CDKN2A: variants seen among roughly 807,000 people sequenced by gnomAD.
CDKN2A encodes cyclin dependent kinase inhibitor 2A, also known as cyclin-dependent kinase inhibitor 2A.
A neutral mutation model predicts 11.1 loss-of-function variants in CDKN2A; 3 were observed. The observed-to-expected ratio is 0.27, with a 90% confidence interval of 0.12 to 0.70. CDKN2A has a LOEUF of 0.70. CDKN2A is among the 30% of genes least tolerant of loss of function. The pLI is 0.77. For synonymous variants in CDKN2A, 122 were observed against 108.1 expected (o/e 1.13, Z -0.80); for missense variants, 265 against 233.6 (o/e 1.13, Z -0.88).
At chr9:21,971,273 G>T (rs773018049) in intron 1 of CDKN2A, 65 bp from the exon 2 acceptor site, 49 of 1,554,196 alleles carry the variant, frequency 3.2e-5, no homozygotes, top group Middle Eastern at 3.4e-4. Flanking sequence ...GGAAGCTTGT[G>T]TAGAGCCCCC....
intron 2 of CDKN2A, among the ~76,000 whole-genome samples, chr9:21,983,277 A>G (rs1289599042): frequency 6.6e-6 from 1 of 152,122 alleles, no homozygotes; most frequent in East Asian, 1.9e-4. Context: ...AGCTGCACAT[A>G]GAAAATGAAA....
intron 2 of CDKN2A, among the ~76,000 whole-genome samples, chr9:21,987,396 A>AACACACACACACACAC (rs375380204): frequency 1.7e-3 from 152 of 89,920 alleles, no homozygotes; most frequent in Middle Eastern, 5.2e-3. Context: ...CCCTTATTAC[A>AACACACACACACACAC]ACACACACAC....
Position 21,994,239 on chromosome 9 carries a change from C to A in CDKN2A, c.-175-186G>T, listed in dbSNP as rs1330218502. On this transcript the variant is annotated intron_variant, in intron 1 of 3. Transcript: ENST00000494262. The stretch of plus-strand genomic sequence containing the variant: ...GCGCCCCTGGCGCTGCCCACTCCCC[C>A]GTGAGCCGCGGGATGTGAACCACGA... The A allele has an allele frequency of 6.2e-7, 1 of 1,606,420 alleles. No individual in the cohort carries two copies. The highest frequency in any genetic ancestry group is 8.5e-7 in the Non-Finnish European group (1 of 1,179,190).
chr9:21,993,987 C>CTTA, exon 2 of CDKN2A: 1 of 821,628 alleles, frequency 1.2e-6, no homozygotes, highest in Non-Finnish European at 2.0e-6. Context: ...AACCACATGT[C>CTTA]TAAGTCGTTG....
rs756102261 is a variant in CDKN2A at position 21,973,574 on chromosome 9, G to T, written c.150+1104C>A. 6.6e-4 allele frequency among the ~76,000 whole-genome samples: 100 copies of T among 151,948 alleles called. No homozygotes were observed. The highest frequency in any genetic ancestry group is 1.1e-3 in the Non-Finnish European group (78 of 67,970). The stretch of plus-strand genomic sequence containing the variant: ...ATTTTAGAGATGCTAAGTTACCCAT[G>T]TATTAATTACTTTTAAATCCTCCCC... On this transcript the variant is annotated intron_variant, in intron 1 of 2. Coordinates refer to ENST00000304494, the MANE Select transcript of CDKN2A (RefSeq NM_000077.5).
intron 2 of CDKN2A, chr9:21,992,350 A>C: frequency 4.4e-6 from 4 of 905,238 alleles, no homozygotes; most frequent in Non-Finnish European, 5.3e-6. Context: ...ATTTTATATT[A>C]TGTATATCAT....
Position 21,968,707 on chromosome 9 carries a change from C to T in CDKN2A, c.458-465G>A, listed in dbSNP as rs563204204. The T allele has an allele frequency of 2.6e-5, 40 of 1,536,036 alleles. No homozygotes were observed. The African/African-American group carries it at 5.2e-4, about 20-fold the overall frequency. ...CGCCTCAGGCTCTGGCGCTCCTCGG[C>T]GGAATCCCGTAGCTTCCCTACGCAT... is the stretch of plus-strand genomic sequence containing the variant. On this transcript the variant is annotated intron_variant, in intron 2 of 2. Transcript: ENST00000304494. This position sits in a 1 kb window ranked among gnomAD's most constrained non-coding sequence, Gnocchi z 4.7.
rs1339792331 is a variant in CDKN2A, at chr9:21,971,036, T to A, written c.323A>T (p.Asp108Val). The A allele has an allele frequency of 6.2e-7, 1 of 1,606,120 alleles. No homozygotes were observed. The highest frequency in any genetic ancestry group is 8.5e-7 in the Non-Finnish European group (1 of 1,179,408). The change falls in exon 2 of 3, where the codon GAT (aspartate) becomes GTT (valine). Residue 108 changes from aspartate (D) to valine (V), a missense_variant. Coordinates refer to ENST00000304494, the MANE Select transcript of CDKN2A (RefSeq NM_000077.5). ...GTCCACGGGCAGACGGCCCCAGGCATCGCGCACGTCCAGCCGCGCCCCGGC... is the reference window on the plus strand; with the variant it reads ...GTCCACGGGCAGACGGCCCCAGGCAACGCGCACGTCCAGCCGCGCCCCGGC... ...HRAGARLDVR[D>V]AWGRLPVDLA...
chr9:21,985,909 T>C (rs1820288941), intron 2 of CDKN2A, among the ~76,000 whole-genome samples: 1 of 152,028 alleles, frequency 6.6e-6, no homozygotes, highest in African/African-American at 2.4e-5. Context: ...CTAGCTACAC[T>C]GAAAAATTAT....
upstream of CDKN2A, among the ~76,000 whole-genome samples, chr9:21,977,614 C>T (rs750192306): frequency 6.6e-6 from 1 of 152,164 alleles, no homozygotes; most frequent in African/African-American, 2.4e-5. Flanking sequence ...GATCCACCCA[C>T]CTTAGCCTCC....
chr9:21,977,134 A>C (rs1013347318), upstream of CDKN2A, among the ~76,000 whole-genome samples: 2 of 152,256 alleles, frequency 1.3e-5, no homozygotes, highest in Non-Finnish European at 2.9e-5. Flanking sequence ...CAAGTATGTT[A>C]TTAAAATCTA....
chr9:21,993,500 C>T (rs1379517761), intron 2 of CDKN2A, among the ~76,000 whole-genome samples: 1 of 152,178 alleles, frequency 6.6e-6, no homozygotes, highest in Non-Finnish European at 1.5e-5. Flanking sequence ...ACTCAGGCCG[C>T]CGGACCTCTA....
In CDKN2A at chr9:21,988,217, TATG is replaced by T. The variant is rs1235841510; in HGVS notation, c.-4+5662_-4+5664del. 3.9e-5 allele frequency among the ~76,000 whole-genome samples: 6 copies of T among 152,230 alleles called. No individual in the cohort carries two copies. Among genetic ancestry groups the T allele is most frequent in the African/African-American group, 1.2e-4 (5 of 41,460 alleles). On this transcript the variant is annotated intron_variant, in intron 2 of 3. Coordinates refer to the CDKN2A transcript ENST00000494262. This position sits in a 1 kb window ranked among gnomAD's most constrained non-coding sequence, Gnocchi z 4.1. The stretch of plus-strand genomic sequence containing the variant: ...TGCCTTCACAACCATTTAAATAATT[TATG>T]ATATTTTATTTTGAAGGTGAAAGAG...
chr9:21,985,261 C>A (rs540674191), intron 2 of CDKN2A, among the ~76,000 whole-genome samples: 6 of 152,022 alleles, frequency 3.9e-5, no homozygotes, highest in Admixed American at 2.0e-4. Context: ...TTAAAACCCC[C>A]AAGTCAATTT....
At position 21,968,816 on chromosome 9, in the gene CDKN2A, GCCT is replaced by G; in HGVS notation, c.458-577_458-575del. ...CATTTATTCATGTGCTCTGGCTTCT[GCCT>G]TCCTCTCTAATCTCGTTGCGTATGG... On this transcript the variant is annotated intron_variant, in intron 2 of 2. Transcript: ENST00000304494. The surrounding 1 kb of genome is among the most constrained non-coding windows in gnomAD (Gnocchi z 4.7). 2 of 1,529,546 alleles carry G rather than the reference GCCT, an allele frequency of 1.3e-6. No individual in the cohort carries two copies. 94.7% of individuals were successfully genotyped at this position (1,529,546 alleles called of 1,614,324 possible). A position where few individuals can be genotyped will look rare whatever the true frequency, so the allele number is the denominator to read the frequency against.
At chr9:21,987,396 A>AAAACACACAC (rs1554658490) in intron 2 of CDKN2A, among the ~76,000 whole-genome samples, 1 of 89,906 alleles carries the variant, frequency 1.1e-5, no homozygotes, top group Non-Finnish European at 2.3e-5. Flanking sequence ...CCCTTATTAC[A>AAAACACACAC]ACACACACAC....
At chr9:21,979,331 T>C (rs1820120240), upstream of CDKN2A, among the ~76,000 whole-genome samples, 1 of 152,086 alleles carries the variant, frequency 6.6e-6, no homozygotes, top group Admixed American at 6.6e-5. Context: ...CATAGCTTGG[T>C]TGTGATAGTT....
At chr9:21,986,847 G>A (rs1820309738) in intron 2 of CDKN2A, among the ~76,000 whole-genome samples, 1 of 152,012 alleles carries the variant, frequency 6.6e-6, no homozygotes, top group Admixed American at 6.6e-5. Context: ...AGTGTCCGAT[G>A]TTGGACATTT....
Position 21,974,806 on chromosome 9 carries a change from T to G in CDKN2A, c.22A>C (p.Ser8Arg), listed in dbSNP as rs1554656665. The G allele has an allele frequency of 6.2e-7, 1 of 1,603,398 alleles. No homozygotes were observed. Among genetic ancestry groups the G allele is most frequent in the East Asian group, 2.2e-5 (1 of 44,768 alleles). The change falls in exon 1 of 3, where the codon AGC (serine) becomes CGC (arginine). Residue 8 changes from serine to arginine, a missense_variant. Physicochemically the swap from Ser to Arg is moderately radical, Grantham distance 110. Transcript: ENST00000304494. The surrounding 1 kb of genome is among the most constrained non-coding windows in gnomAD (Gnocchi z 5.2). ...AGCCAGTCAGCCGAAGGCTCCATGC[T>G]GCTCCCCGCCGCCGGCTCCATGCTG... MEPAAGS[S>R]MEPSADWLAT... is the part of the protein sequence containing the mutation.
Sources: allele counts gnomAD v4.1 joint callset (sites outside exome capture counted in the v4.1 genomes callset), GRCh38; gene constraint gnomAD v4.1.1; non-coding constraint Gnocchi (gnomAD v3.1); transcripts MANE v1.5; gene names NCBI Gene and HGNC (gene_info 2026-07-23, HGNC 2026-07-21).